CTNNA2: variants seen among roughly 807,000 people sequenced by gnomAD.
The protein encoded by CTNNA2 is catenin alpha-2.
In CTNNA2, 42 loss-of-function variants were observed where a neutral mutation model predicts 101.0. The observed-to-expected ratio is 0.42, with a 90% CI of 0.32 to 0.54. The LOEUF is 0.54. CTNNA2 is among the 20% of genes least tolerant of loss of function. The probability of loss-of-function intolerance (pLI) is 0.14; values close to 1 mark genes in which losing one functional copy is unlikely to be tolerated. For missense variants in CTNNA2, 871 were observed against 1,223.1 expected, an observed-to-expected ratio of 0.71 and a Z score of 4.29; for synonymous variants, 450 against 456.4, an observed-to-expected ratio of 0.99 and a Z score of 0.18.
intron 9 of CTNNA2, among the ~76,000 whole-genome samples, chr2:80,442,143 A>T (rs1682646171): frequency 6.6e-6 from 1 of 152,166 alleles, no homozygotes; most frequent in African/African-American, 2.4e-5. Flanking sequence ...CATCCTTGTG[A>T]TTCTCCTCCA....
At chr2:80,341,575 A>C (rs1486453129) in intron 7 of CTNNA2, among the ~76,000 whole-genome samples, 1 of 152,174 alleles carries the variant, frequency 6.6e-6, no homozygotes, top group Admixed American at 6.5e-5. Context: ...CTTCACACCC[A>C]CTAGGATGGC....
At chr2:79,437,060 C>A (rs367545538) in intron 4 of CTNNA2, among the ~76,000 whole-genome samples, 1 of 151,938 alleles carries the variant, frequency 6.6e-6, no homozygotes, top group East Asian at 2.0e-4. Flanking sequence ...ATAGTGAAAA[C>A]CTGTCTCTAC....
chr2:79,824,957 G>A (rs566037477), intron 3 of CTNNA2, among the ~76,000 whole-genome samples: 26 of 152,292 alleles, frequency 1.7e-4, no homozygotes, highest in African/African-American at 6.3e-4. Context: ...TAGGGAAGCT[G>A]AGGTGGAGGA....
intron 2 of CTNNA2, among the ~76,000 whole-genome samples, chr2:79,731,928 A>C (rs1364814485): frequency 6.6e-6 from 1 of 151,862 alleles, no homozygotes; most frequent in Non-Finnish European, 1.5e-5. Context: ...GAAATCACTC[A>C]TTTTCTCCTA....
At chr2:80,239,969 A>G (rs1709762541) in intron 7 of CTNNA2, among the ~76,000 whole-genome samples, 1 of 152,204 alleles carries the variant, frequency 6.6e-6, no homozygotes, top group South Asian at 2.1e-4. Flanking sequence ...ATATACTGTA[A>G]TAAAAGCTGT....
chr2:80,419,989 A>C (rs538308884), intron 9 of CTNNA2, among the ~76,000 whole-genome samples: 2 of 118,350 alleles, frequency 1.7e-5, no homozygotes, highest in African/African-American at 3.4e-5. Context: ...ACCCCTGTCC[A>C]CTCCACCCAG....
intron 3 of CTNNA2, among the ~76,000 whole-genome samples, chr2:79,360,913 A>T (rs1473643301): frequency 6.6e-6 from 1 of 152,158 alleles, no homozygotes; most frequent in Non-Finnish European, 1.5e-5. Context: ...AAGATCATAA[A>T]ATGCTATATG....
intron 7 of CTNNA2, among the ~76,000 whole-genome samples, chr2:79,946,571 A>G (rs1013884555): frequency 6.6e-6 from 1 of 152,214 alleles, no homozygotes; most frequent in African/African-American, 2.4e-5. Flanking sequence ...CAAAATTTCA[A>G]TTAGCCAAAT....
intron 7 of CTNNA2, among the ~76,000 whole-genome samples, chr2:80,322,580 C>T (rs1292535154): frequency 2.6e-5 from 4 of 151,576 alleles, no homozygotes; most frequent in Non-Finnish European, 4.4e-5. Context: ...GCGGAGGCCG[C>T]GGGGCCCCAA....
intron 7 of CTNNA2, among the ~76,000 whole-genome samples, chr2:79,998,695 A>G (rs1217251474): frequency 6.6e-6 from 1 of 152,216 alleles, no homozygotes; most frequent in Non-Finnish European, 1.5e-5. Flanking sequence ...AGAGAAATGA[A>G]AGGAAAGCAG....
chr2:79,547,719 T>A (rs1426252478), intron 1 of CTNNA2: 1 of 152,262 alleles, frequency 6.6e-6, no homozygotes, highest in African/African-American at 2.4e-5. Flanking sequence ...TTCAGGACTA[T>A]CACTGAGTTT....
intron 3 of CTNNA2, among the ~76,000 whole-genome samples, chr2:79,750,222 T>C (rs1432739439): frequency 6.6e-6 from 1 of 152,248 alleles, no homozygotes; most frequent in African/African-American, 2.4e-5. Context: ...CGAAGATTTT[T>C]CTAGACTGAA....
chr2:79,696,007 G>C (rs111983729), intron 2 of CTNNA2, among the ~76,000 whole-genome samples: 1 of 151,816 alleles, frequency 6.6e-6, no homozygotes, highest in Admixed American at 6.6e-5. Flanking sequence ...ACCTGCCCCA[G>C]GTCTATCCTG....
At chr2:79,553,470 G>T (rs778930386) in intron 1 of CTNNA2, among the ~76,000 whole-genome samples, 3 of 152,088 alleles carry the variant, frequency 2.0e-5, no homozygotes, top group Admixed American at 6.6e-5. Context: ...TTTTTGCATT[G>T]CTGTAAAGAA....
At chr2:80,577,605 A>T (rs1367992414) in intron 13 of CTNNA2, among the ~76,000 whole-genome samples, 1 of 150,542 alleles carries the variant, frequency 6.6e-6, no homozygotes, top group Non-Finnish European at 1.5e-5. Flanking sequence ...CAGAAGCAAG[A>T]TCAGTTAGGA....
At chr2:79,482,835 C>A (rs1671123176) in intron 4 of CTNNA2, among the ~76,000 whole-genome samples, 1 of 152,146 alleles carries the variant, frequency 6.6e-6, no homozygotes, top group Non-Finnish European at 1.5e-5. Flanking sequence ...TCCCCAAGGG[C>A]TTTTTGGTGA....
At chr2:79,795,363 T>G in intron 3 of CTNNA2, among the ~76,000 whole-genome samples, 1 of 152,246 alleles carries the variant, frequency 6.6e-6, no homozygotes, top group Non-Finnish European at 1.5e-5. Context: ...GTACACAAAC[T>G]TTAAATATAT....
At chr2:80,028,576 A>G (rs957885490) in intron 7 of CTNNA2, among the ~76,000 whole-genome samples, 5 of 152,246 alleles carry the variant, frequency 3.3e-5, no homozygotes, top group Non-Finnish European at 7.3e-5. Flanking sequence ...ACATCTTAAC[A>G]GGTGACACCT....
chr2:79,827,560 A>G (rs1678544564), intron 3 of CTNNA2, among the ~76,000 whole-genome samples: 1 of 152,192 alleles, frequency 6.6e-6, no homozygotes, highest in Non-Finnish European at 1.5e-5. Flanking sequence ...GGAGCATGAC[A>G]CATGGAATGC....
Sources: gnomAD v4.1 joint callset for allele counts (sites outside exome capture counted in the v4.1 genomes callset) on GRCh38, gnomAD v4.1.1 for gene constraint, MANE v1.5 for transcripts, NCBI Gene and HGNC (gene_info 2026-07-23, HGNC 2026-07-21) for gene names.